Variants in CDH10 observed in about 807,000 individuals in gnomAD.
The protein encoded by CDH10 is cadherin 10.
In CDH10, 30 loss-of-function variants were observed where a neutral mutation model predicts 73.1. That is an observed-to-expected ratio of 0.41 (90% confidence interval 0.31 to 0.56). The LOEUF is 0.56. Among genes scored for constraint, CDH10 ranks in the 20% least tolerant of loss-of-function variants. The pLI is 0.27. For missense variants in CDH10, 815 were observed against 973.7 expected (o/e 0.84, Z 2.17); for synonymous variants, 345 against 348.2 (o/e 0.99, Z 0.10).
At chr5:24,573,563 T>C in intron 2 of CDH10, among the ~76,000 whole-genome samples, 1 of 151,682 alleles carries the variant, frequency 6.6e-6, no homozygotes. Flanking sequence ...TAGCCGAGCG[T>C]GGTGGCGGGC....
At chr5:24,567,853 A>C (rs1745219057) in intron 2 of CDH10, among the ~76,000 whole-genome samples, 1 of 152,162 alleles carries the variant, frequency 6.6e-6, no homozygotes, top group Admixed American at 6.5e-5. Flanking sequence ...TAAGCAAATA[A>C]GTAGTATCCC....
chr5:24,597,359 A>G (rs927082754), intron 1 of CDH10, among the ~76,000 whole-genome samples: 5 of 151,960 alleles, frequency 3.3e-5, no homozygotes, highest in Non-Finnish European at 7.4e-5. Flanking sequence ...AAAGCTGTAG[A>G]CCTCCCTCAG....
intron 5 of CDH10, among the ~76,000 whole-genome samples, chr5:24,512,009 G>A (rs1742932905): frequency 6.6e-6 from 1 of 151,848 alleles, no homozygotes; most frequent in African/African-American, 2.4e-5. Flanking sequence ...AGGAGGGAGA[G>A]GATCAGAAAA....
chr5:24,525,044 G>A (rs570776764), intron 5 of CDH10, among the ~76,000 whole-genome samples: 2 of 152,118 alleles, frequency 1.3e-5, no homozygotes, highest in South Asian at 2.1e-4. Flanking sequence ...GACAGCTCAC[G>A]TGAGTAAGCG....
intron 9 of CDH10, among the ~76,000 whole-genome samples, chr5:24,494,726 TTTAA>T (rs555969520): frequency 8.5e-5 from 13 of 152,150 alleles, no homozygotes; most frequent in East Asian, 5.8e-4. Context: ...CATTAAAATC[TTTAA>T]TTAAAATGTA....
chr5:24,640,477 A>G (rs1180531471), intron 1 of CDH10, among the ~76,000 whole-genome samples: 3 of 151,674 alleles, frequency 2.0e-5, no homozygotes, highest in Non-Finnish European at 4.4e-5. Flanking sequence ...ATGTCATTTA[A>G]CTTTAATTTA....
chr5:24,542,553 A>G (rs557387558), intron 2 of CDH10, among the ~76,000 whole-genome samples: 507 of 152,222 alleles, frequency 3.3e-3, no homozygotes, highest in African/African-American at 0.012. Flanking sequence ...AGGTTATACC[A>G]TCTAAGATTG....
intron 1 of CDH10, among the ~76,000 whole-genome samples, chr5:24,632,651 C>G (rs1400147015): frequency 6.6e-6 from 1 of 151,848 alleles, no homozygotes; most frequent in Non-Finnish European, 1.5e-5. Flanking sequence ...AAATAATTTG[C>G]CTAATAGCAA....
intron 9 of CDH10, 88 bp downstream of exon 9, chr5:24,498,308 CTG>C (rs1742365187): frequency 1.3e-6 from 1 of 764,570 alleles, no homozygotes; most frequent in South Asian, 1.9e-5. Context: ...ATTTCCATCT[CTG>C]TGTATTCTTT....
intron 5 of CDH10, among the ~76,000 whole-genome samples, chr5:24,513,696 CA>C (rs1331203890): frequency 6.6e-6 from 1 of 151,856 alleles, no homozygotes; most frequent in Non-Finnish European, 1.5e-5. Context: ...CTGTATCCTT[CA>C]TTTTTTCTAT....
rs78107481 is a variant in CDH10 at position 24,598,711 on chromosome 5, T to C, written c.-123-5098A>G. Among the ~76,000 whole-genome samples the C allele has an allele frequency of 3.3e-5, 5 of 152,228 alleles. No individual in the cohort carries two copies. The East Asian group carries it at 9.7e-4, about 29-fold the overall frequency. ...AGTTATCAACCATTGCTAGGATTGT[T>C]ATCAATGCAGAAAGAATCCCAAGAA... On this transcript the variant is annotated intron_variant, in intron 1 of 11. Transcript: ENST00000264463.
chr5:24,560,648 T>C (rs1054760026), intron 2 of CDH10, among the ~76,000 whole-genome samples: 1 of 152,006 alleles, frequency 6.6e-6, no homozygotes, highest in Non-Finnish European at 1.5e-5. Flanking sequence ...AAACTGAGAC[T>C]GTAGGAGATT....
chr5:24,570,825 A>C (rs898461723), intron 2 of CDH10, among the ~76,000 whole-genome samples: 1 of 152,144 alleles, frequency 6.6e-6, no homozygotes, highest in East Asian at 1.9e-4. Context: ...TACCTCATAG[A>C]AATAAGCTCG....
At chr5:24,553,238 CT>C (rs1400831589) in intron 2 of CDH10, among the ~76,000 whole-genome samples, 3 of 146,142 alleles carry the variant, frequency 2.1e-5, no homozygotes, top group Non-Finnish European at 4.5e-5. Flanking sequence ...TGTAGAGAAG[CT>C]TTTGTTTGTC....
At chr5:24,607,463 G>T (rs75696431) in intron 1 of CDH10, among the ~76,000 whole-genome samples, 1 of 152,110 alleles carries the variant, frequency 6.6e-6, no homozygotes, top group African/African-American at 2.4e-5. Context: ...CCACCGTCAG[G>T]TGTCTGTTGT....
At chr5:24,636,406 C>T (rs951140792) in intron 1 of CDH10, among the ~76,000 whole-genome samples, 1 of 151,950 alleles carries the variant, frequency 6.6e-6, no homozygotes, top group African/African-American at 2.4e-5. Flanking sequence ...AATCTCAGTG[C>T]TTCTAGAATG....
chr5:24,586,421 G>GC (rs1465632244), intron 2 of CDH10, among the ~76,000 whole-genome samples: 1 of 135,336 alleles, frequency 7.4e-6, no homozygotes, highest in Admixed American at 7.8e-5. Context: ...AAATTTACAT[G>GC]CTTTATTAAC....
intron 2 of CDH10, among the ~76,000 whole-genome samples, chr5:24,584,755 T>C (rs150823138): frequency 0.013 from 2,023 of 151,804 alleles, 19 homozygotes; most frequent in Middle Eastern, 0.027. Context: ...AGGTGTGAGC[T>C]ACCGTGCCCG....
intron 1 of CDH10, among the ~76,000 whole-genome samples, chr5:24,641,427 A>G (rs1354777493): frequency 6.6e-6 from 1 of 152,048 alleles, no homozygotes; most frequent in Non-Finnish European, 1.5e-5. Flanking sequence ...ATATCATCCA[A>G]AGGTTTCAAC....
Sources: allele counts gnomAD v4.1 joint callset (sites outside exome capture counted in the v4.1 genomes callset), GRCh38; gene constraint gnomAD v4.1.1; transcripts MANE v1.5; gene names NCBI Gene and HGNC (gene_info 2026-07-23, HGNC 2026-07-21).